SKAP1: variants seen among roughly 807,000 people sequenced by gnomAD.
SKAP1 encodes the protein src kinase-associated phosphoprotein 1.
SKAP1 carries 44 observed loss-of-function variants against 58.5 expected under a neutral mutation model. The ratio of observed to expected loss-of-function variants is 0.75; its 90% confidence interval spans 0.59 to 0.97. The LOEUF (loss-of-function observed/expected upper bound fraction) is 0.97, where lower values mean the gene tolerates loss of function less well. Ranked by LOEUF, SKAP1 falls within the 50% of genes least tolerant of loss-of-function variation. The pLI is 0.00. For synonymous variants in SKAP1, 127 were observed against 149.7 expected (o/e 0.85, Z 1.11); for missense variants, 390 against 435.2 (o/e 0.90, Z 0.92).
upstream of SKAP1, among the ~76,000 whole-genome samples, chr17:48,435,050 C>T (rs7212462): frequency 0.024 from 3,709 of 152,246 alleles, 136 homozygotes; most frequent in African/African-American, 0.082. Context: ...ACTCTTGAGG[C>T]TTAGGCAGGA....
At chr17:48,231,759 G>C (rs1021865688) in intron 4 of SKAP1, 1 of 152,240 alleles carries the variant, frequency 6.6e-6, no homozygotes, top group East Asian at 1.9e-4. Context: ...GTGGTCATGA[G>C]GTAGGAAGCC....
At chr17:48,428,078 T>C (rs1245452321) in intron 1 of SKAP1, among the ~76,000 whole-genome samples, 1 of 152,214 alleles carries the variant, frequency 6.6e-6, no homozygotes, top group Non-Finnish European at 1.5e-5. Context: ...GCTATTATTA[T>C]TACAGGAACC....
At chr17:48,443,447 CTA>C in the SKAP1 span, among the ~76,000 whole-genome samples, 1 of 143,586 alleles carries the variant, frequency 7.0e-6, no homozygotes, top group Non-Finnish European at 1.5e-5. Context: ...TGAGTGAGTG[CTA>C]CAAGGTAAGT....
At chr17:48,247,323 G>A (rs2065307581) in intron 4 of SKAP1, among the ~76,000 whole-genome samples, 1 of 152,122 alleles carries the variant, frequency 6.6e-6, no homozygotes, top group Non-Finnish European at 1.5e-5. Context: ...GATAACGAAG[G>A]CAAATAGCTA....
At chr17:48,338,383 C>T (rs2066604007) in intron 4 of SKAP1, among the ~76,000 whole-genome samples, 1 of 152,088 alleles carries the variant, frequency 6.6e-6, no homozygotes, top group East Asian at 1.9e-4. Context: ...AACTCCTGAC[C>T]TCAAGTGATC....
At chr17:48,156,642 A>C (rs912532763) in intron 11 of SKAP1, 2 of 251,458 alleles carry the variant, frequency 8.0e-6, no homozygotes, top group African/African-American at 4.6e-5. Flanking sequence ...TTTGAGACCC[A>C]AATTGGAACT....
chr17:48,139,225 G>T (rs929998375), intron 11 of SKAP1, among the ~76,000 whole-genome samples: 4 of 147,006 alleles, frequency 2.7e-5, no homozygotes, highest in Non-Finnish European at 6.0e-5. Context: ...TCTTTTGCCC[G>T]GTCTGGAGTG....
chr17:48,369,808 C>T (rs545812228), intron 2 of SKAP1, among the ~76,000 whole-genome samples: 1 of 152,236 alleles, frequency 6.6e-6, no homozygotes, highest in East Asian at 1.9e-4. Flanking sequence ...AAGTTTCCAC[C>T]ACCAACAATC....
At chr17:48,350,857 T>A (rs1402745056) in intron 3 of SKAP1, among the ~76,000 whole-genome samples, 1 of 152,192 alleles carries the variant, frequency 6.6e-6, no homozygotes, top group African/African-American at 2.4e-5. Flanking sequence ...AACACATGAC[T>A]TCCTATTCTA....
the SKAP1 span, among the ~76,000 whole-genome samples, chr17:48,440,123 A>G: frequency 1.3e-5 from 2 of 152,216 alleles, no homozygotes; most frequent in Non-Finnish European, 2.9e-5. Flanking sequence ...CCACATGCAC[A>G]GAAAACACCC....
intron 3 of SKAP1, among the ~76,000 whole-genome samples, chr17:48,355,428 C>A (rs1291625125): frequency 1.3e-5 from 2 of 152,184 alleles, no homozygotes; most frequent in South Asian, 4.1e-4. Flanking sequence ...CAGGTGCACA[C>A]CCCCATGCTT....
chr17:48,184,755 C>G lies in SKAP1; in HGVS notation c.535G>C (p.Glu179Gln), dbSNP rs1468961174. Residue 179 changes from glutamate to glutamine, a missense_variant, in exon 7 of 13, where the codon GAA becomes CAA. Coordinates refer to ENST00000336915, the MANE Select transcript of SKAP1 (RefSeq NM_003726.4). ...RRDSKKESCF[E>Q]LTSQDRRSYE... ...CTGCGCCTATCCTGGGAGGTCAGTT[C>G]AAAGCAGGATTCTTTCTTGGAATCT... 6.2e-7 allele frequency: 1 copy of G among 1,613,912 alleles called. No homozygotes were observed. The highest frequency in any genetic ancestry group is 8.5e-7 in the Non-Finnish European group (1 of 1,179,962).
chr17:48,213,378 G>A (rs964578167), intron 4 of SKAP1, among the ~76,000 whole-genome samples: 22 of 147,242 alleles, frequency 1.5e-4, no homozygotes, highest in Non-Finnish European at 3.0e-4. Context: ...AAGCTGTACT[G>A]TTGTAAACGC....
chr17:48,206,746 A>G lies in SKAP1; in HGVS notation c.281-17246T>C, dbSNP rs943225168. Among the ~76,000 whole-genome samples the G allele has an allele frequency of 2.4e-4, 37 of 152,186 alleles. 1 individual carries two copies. The highest frequency in any genetic ancestry group is 4.4e-5 in the Non-Finnish European group (3 of 68,040). On this transcript the variant is annotated intron_variant, in intron 4 of 12. Transcript: ENST00000336915. ...AGAGACACATCAGAATGGATGAAAA[A>G]GTTAATTTTTAAAAAATGGAAAGGG... is the stretch of plus-strand genomic sequence containing the variant.
rs1446206160 is a variant in SKAP1, at chr17:48,202,988, G to C, written c.281-13488C>G. ...ATCTTTTGTCAGACCATGCAGGAGA[G>C]AGAAAGAGAACATTTCTTTCCCCAC... On this transcript the variant is annotated intron_variant, in intron 4 of 12. Transcript: ENST00000336915. Among the ~76,000 whole-genome samples, 4 of 152,138 alleles carry C rather than the reference G, an allele frequency of 2.6e-5. No individual in the cohort carries two copies. In the East Asian group the frequency reaches 5.8e-4, roughly 22 times the overall value.
At chr17:48,442,775 C>T in the SKAP1 span, among the ~76,000 whole-genome samples, 1 of 152,192 alleles carries the variant, frequency 6.6e-6, no homozygotes, top group East Asian at 1.9e-4. Flanking sequence ...CATCTTCTAC[C>T]TTGCAACCCT....
At chr17:48,287,803 A>G (rs1197754316) in intron 4 of SKAP1, among the ~76,000 whole-genome samples, 1 of 152,242 alleles carries the variant, frequency 6.6e-6, no homozygotes, top group Non-Finnish European at 1.5e-5. Flanking sequence ...TTATCAACAC[A>G]TATATACAAA....
At chr17:48,406,126 G>T (rs1456450331) in intron 1 of SKAP1, among the ~76,000 whole-genome samples, 3 of 150,686 alleles carry the variant, frequency 2.0e-5, no homozygotes, top group Non-Finnish European at 4.4e-5. Context: ...TTAGTCGGGC[G>T]TGGTGGCACA....
At chr17:48,260,477 G>A (rs2065472425) in intron 4 of SKAP1, among the ~76,000 whole-genome samples, 1 of 152,126 alleles carries the variant, frequency 6.6e-6, no homozygotes, top group Non-Finnish European at 1.5e-5. Context: ...GTCTTTCAAG[G>A]TTAATGAGTT....
Sources: allele counts gnomAD v4.1 joint callset (sites outside exome capture counted in the v4.1 genomes callset), GRCh38; gene constraint gnomAD v4.1.1; transcripts MANE v1.5; gene names NCBI Gene and HGNC (gene_info 2026-07-23, HGNC 2026-07-21).